SYT7: variants seen among roughly 807,000 people sequenced by gnomAD.
The protein encoded by SYT7 is synaptotagmin 7, also known as synaptotagmin-7.
Under a neutral mutation model 75.1 loss-of-function variants are expected in SYT7, and 29 were observed. That is an observed-to-expected ratio of 0.39 (90% confidence interval 0.29 to 0.53). The LOEUF (loss-of-function observed/expected upper bound fraction) is 0.53, where lower values mean the gene tolerates loss of function less well. SYT7 is among the 20% of genes least tolerant of loss of function. SYT7 has a pLI of 0.77. For synonymous variants in SYT7, 376 were observed against 401.7 expected (o/e 0.94, Z 0.76); for missense variants, 693 against 953.2 (o/e 0.73, Z 3.59).
In SYT7 at chr11:61,516,960, G is replaced by A. The variant is rs2062162319; in HGVS notation, c.*1667C>T. The A allele has an allele frequency of 6.7e-6, 2 of 298,168 alleles. No homozygotes were observed. Among genetic ancestry groups the A allele is most frequent in the Non-Finnish European group, 1.2e-5 (2 of 162,816 alleles). The allele number at this position is 298,168 out of a possible 1,614,324, so 18.5% of individuals were successfully genotyped here. Reference sequence around the variant, plus strand: ...AAGGGGAAGCCGTTCGAAGGAAAATGGTTCCCAAATGCCAATGGTCTCCCC... The same window carrying A: ...AAGGGGAAGCCGTTCGAAGGAAAATAGTTCCCAAATGCCAATGGTCTCCCC... On this transcript the variant is annotated 3_prime_UTR_variant, in exon 13 of 13. Coordinates refer to ENST00000539008, the MANE Select transcript of SYT7 (RefSeq NM_001365809.2). This position sits in a 1 kb window ranked among gnomAD's most constrained non-coding sequence, Gnocchi z 4.6.
chr11:61,534,291 C>A lies in SYT7; in HGVS notation c.1065-1167G>T, dbSNP rs564448569. On this transcript the variant is annotated intron_variant, in intron 7 of 12. Transcript: ENST00000539008. The stretch of plus-strand genomic sequence containing the variant: ...GCCTCCAGCACACAGGTGACCACGA[C>A]AGGCACAGACAGACATGCATGGAAT... Among the ~76,000 whole-genome samples the A allele has an allele frequency of 1.4e-4, 22 of 152,344 alleles. No individual in the cohort carries two copies. The South Asian group carries it at 4.3e-3, about 30-fold the overall frequency.
At chr11:61,573,865 T>C (rs1051712613) in intron 1 of SYT7, among the ~76,000 whole-genome samples, 3 of 152,246 alleles carry the variant, frequency 2.0e-5, no homozygotes, top group Non-Finnish European at 4.4e-5. Context: ...TATCTGAAGC[T>C]CACACCCTTA....
upstream of SYT7, among the ~76,000 whole-genome samples, chr11:61,582,460 A>C (rs1470896700): frequency 6.6e-6 from 1 of 151,528 alleles, no homozygotes; most frequent in Non-Finnish European, 1.5e-5. Context: ...CACACACACA[A>C]ACAGACCCCA....
Position 61,546,216 on chromosome 11 carries a change from C to A in SYT7, c.387G>T (p.Ala129=), listed in dbSNP as rs370202849. 8.1e-6 allele frequency: 12 copies of A among 1,474,218 alleles called. No homozygotes were observed. The Admixed American group carries it at 2.7e-4, about 34-fold the overall frequency. The allele number at this position is 1,474,218 out of a possible 1,614,324, so 91.3% of individuals were successfully genotyped here. Residue 129 remains alanine, a synonymous_variant, in exon 5 of 13, where the codon GCG becomes GCT. Coordinates refer to ENST00000539008, the MANE Select transcript of SYT7 (RefSeq NM_001365809.2). This position sits in a 1 kb window ranked among gnomAD's most constrained non-coding sequence, Gnocchi z 7.6. ...LLSGAKVAAA[A]GLAVEREGRL... is the part of the protein sequence containing the mutation. ...GGCCTTCCCGCTCCACCGCCAGCCC[C>A]GCCGCGGCGGCCACTTTGGCGCCCG...
At position 61,528,027 on chromosome 11, in the gene SYT7, G is replaced by A; in HGVS notation, c.1359C>T (p.Thr453=). The change falls in exon 9 of 13, where the codon ACC becomes ACT. Residue 453 remains threonine (T), a synonymous_variant. Coordinates refer to ENST00000539008, the MANE Select transcript of SYT7 (RefSeq NM_001365809.2). Reference sequence around the variant, plus strand: ...GGTAGATCTTGACGAAGGGGTCGCTGGTGCCGCTGAAGTCCTTGGCCGGCA... The same window carrying A: ...GGTAGATCTTGACGAAGGGGTCGCTAGTGCCGCTGAAGTCCTTGGCCGGCA... ...QELPAKDFSG[T]SDPFVKIYLL... The A allele has an allele frequency of 4.3e-6, 7 of 1,614,156 alleles. No homozygotes were observed. Among genetic ancestry groups the A allele is most frequent in the South Asian group, 2.2e-5 (2 of 91,076 alleles).
At chr11:61,583,780 GA>G (rs1338461450), upstream of SYT7, among the ~76,000 whole-genome samples, 3 of 152,236 alleles carry the variant, frequency 2.0e-5, no homozygotes, top group African/African-American at 7.2e-5. Flanking sequence ...AACGCCATGA[GA>G]TATAGTTGTG....
In SYT7 at chr11:61,517,658, G is replaced by A. The variant is rs1590804793; in HGVS notation, c.*969C>T. The A allele has an allele frequency of 5.0e-6, 2 of 398,834 alleles. No individual in the cohort carries two copies. Among genetic ancestry groups the A allele is most frequent in the Non-Finnish European group, 8.8e-6 (2 of 226,324 alleles). The allele number at this position is 398,834 out of a possible 1,614,324, so 24.7% of individuals were successfully genotyped here. A position where few individuals can be genotyped will look rare whatever the true frequency, so the allele number is the denominator to read the frequency against. ...GTGGGAAGCTGGCGGGGGGTCTTTTGATGAAGGAGTTAGGGCAAAGCTAGT... is the reference window on the plus strand; with the variant it reads ...GTGGGAAGCTGGCGGGGGGTCTTTTAATGAAGGAGTTAGGGCAAAGCTAGT... On this transcript the variant is annotated 3_prime_UTR_variant, in exon 13 of 13. Coordinates refer to ENST00000539008, the MANE Select transcript of SYT7 (RefSeq NM_001365809.2).
In SYT7 at chr11:61,523,339, C is replaced by G. The variant is rs921721829; in HGVS notation, c.1757-65G>C. 1.1e-5 allele frequency: 16 copies of G among 1,511,348 alleles called. No individual in the cohort carries two copies. In the African/African-American group the frequency reaches 1.8e-4, roughly 17 times the overall value. 93.6% of individuals were successfully genotyped at this position (1,511,348 alleles called of 1,614,324 possible). On this transcript the variant is annotated intron_variant, in intron 11 of 12. Coordinates refer to ENST00000539008, the MANE Select transcript of SYT7 (RefSeq NM_001365809.2). The surrounding 1 kb of genome is among the most constrained non-coding windows in gnomAD (Gnocchi z 5.0). The stretch of plus-strand genomic sequence containing the variant: ...GGAGGGACTTCCTAGGATCCTTTTC[C>G]CCTTCCAGGAATGGAAGCTGAGGCA...
At chr11:61,563,845 A>C (rs1036222033) in intron 1 of SYT7, among the ~76,000 whole-genome samples, 1 of 152,186 alleles carries the variant, frequency 6.6e-6, no homozygotes. Context: ...GTCCTTCCCC[A>C]ACTGGGAGCA....
upstream of SYT7, among the ~76,000 whole-genome samples, chr11:61,584,405 A>AT (rs2064343426): frequency 6.6e-6 from 1 of 151,578 alleles, no homozygotes. Context: ...AAAAAAAAAA[A>AT]AAGGAAAAAA....
chr11:61,587,426 C>T, the SYT7 span, among the ~76,000 whole-genome samples: 1 of 152,262 alleles, frequency 6.6e-6, no homozygotes, highest in Non-Finnish European at 1.5e-5. Context: ...TGACCTGTTT[C>T]CAGGTCTGAG....
At chr11:61,537,751 C>T (rs1460065477) in intron 7 of SYT7, among the ~76,000 whole-genome samples, 1 of 150,762 alleles carries the variant, frequency 6.6e-6, no homozygotes, top group Admixed American at 6.6e-5. Context: ...GCGCCCCTTC[C>T]CTTACATCCC....
At chr11:61,574,335 G>A (rs1395085545) in intron 1 of SYT7, among the ~76,000 whole-genome samples, 2 of 152,198 alleles carry the variant, frequency 1.3e-5, no homozygotes, top group African/African-American at 4.8e-5. Context: ...TCCAGAGACA[G>A]AGCAGCAAGT....
chr11:61,533,242 C>T, intron 7 of SYT7, 118 bp from the exon 8 acceptor site: 1 of 1,455,786 alleles, frequency 6.9e-7, no homozygotes. Context: ...GCCCGGCGGG[C>T]CGGCAGGAGC....
chr11:61,543,363 CAG>C (rs1289055331), intron 5 of SYT7, among the ~76,000 whole-genome samples: 1 of 152,192 alleles, frequency 6.6e-6, no homozygotes, highest in African/African-American at 2.4e-5. Flanking sequence ...GCAGTTCTAA[CAG>C]AGAACAGGGT....
chr11:61,549,415 C>T (rs975433850), intron 3 of SYT7, among the ~76,000 whole-genome samples: 3 of 152,212 alleles, frequency 2.0e-5, no homozygotes, highest in Non-Finnish European at 2.9e-5. Flanking sequence ...CTTAGTTGGC[C>T]GTGAGACCCT....
In SYT7 at chr11:61,524,605, C is replaced by T. The variant is rs2062454949; in HGVS notation, c.1472-73G>A. 4.8e-6 allele frequency: 7 copies of T among 1,472,124 alleles called. No homozygotes were observed. The highest frequency in any genetic ancestry group is 6.4e-6 in the Non-Finnish European group (7 of 1,098,060). The allele number at this position is 1,472,124 out of a possible 1,614,324, so 91.2% of individuals were successfully genotyped here. On this transcript the variant is annotated intron_variant, in intron 9 of 12. Transcript: ENST00000539008. The surrounding 1 kb of genome is among the most constrained non-coding windows in gnomAD (Gnocchi z 4.1). ...ACGGGGCCCGGGAGGCAAGGAAGGCCCTGGGAAGAGGAGGCAGGCCCTGTG... is the reference window on the plus strand; with the variant it reads ...ACGGGGCCCGGGAGGCAAGGAAGGCTCTGGGAAGAGGAGGCAGGCCCTGTG...
chr11:61,565,899 C>T (rs554747052), intron 1 of SYT7, among the ~76,000 whole-genome samples: 10 of 152,372 alleles, frequency 6.6e-5, no homozygotes, highest in East Asian at 1.9e-4. Flanking sequence ...AGGGAGAGTG[C>T]GCTGGCTGGG....
At position 61,547,993 on chromosome 11, in the gene SYT7, T is replaced by C. The variant is rs187936119; in HGVS notation, c.216-685A>G. Among the ~76,000 whole-genome samples the C allele has an allele frequency of 3.0e-3, 461 of 152,348 alleles. 8 individuals carry two copies. The South Asian group carries it at 0.037, about 12-fold the overall frequency. ...CTCCTCCCACTGGCCTGAGGGGCTC[T>C]CTGGCTTCCTCTGCTCTCTCTTCTA... On this transcript the variant is annotated intron_variant, in intron 3 of 12. Coordinates refer to ENST00000539008, the MANE Select transcript of SYT7 (RefSeq NM_001365809.2).
Sources: allele counts gnomAD v4.1 joint callset (sites outside exome capture counted in the v4.1 genomes callset), GRCh38; gene constraint gnomAD v4.1.1; non-coding constraint Gnocchi (gnomAD v3.1); transcripts MANE v1.5; gene names NCBI Gene and HGNC (gene_info 2026-07-23, HGNC 2026-07-21).